MYO16: variants seen among roughly 807,000 people sequenced by gnomAD.
The protein encoded by MYO16 is unconventional myosin-XVI.
MYO16 carries 94 observed loss-of-function variants against 205.3 expected under a neutral mutation model. The observed-to-expected ratio is 0.46, with a 90% CI of 0.39 to 0.54. MYO16 has a LOEUF of 0.54. Ranked by LOEUF, MYO16 falls within the 20% of genes least tolerant of loss-of-function variation. The probability of loss-of-function intolerance (pLI) is 0.00; values close to 1 mark genes in which losing one functional copy is unlikely to be tolerated. For synonymous variants in MYO16, 988 were observed against 954.0 expected (o/e 1.04, Z -0.66); for missense variants, 2,315 against 2,387.5 (o/e 0.97, Z 0.63).
chr13:109,131,756 G>T (rs975780419), intron 31 of MYO16, among the ~76,000 whole-genome samples: 2 of 152,156 alleles, frequency 1.3e-5, no homozygotes, highest in African/African-American at 4.8e-5. Flanking sequence ...ACTTCCTCTT[G>T]GCTGGGGCCT....
At chr13:108,726,996 G>A (rs1243302790) in intron 3 of MYO16, among the ~76,000 whole-genome samples, 3 of 150,580 alleles carry the variant, frequency 2.0e-5, no homozygotes, top group Non-Finnish European at 4.4e-5. Context: ...ATTCTGAAGG[G>A]CCTTGTCTAT....
At chr13:109,057,516 CA>C (rs1887451863) in intron 27 of MYO16, among the ~76,000 whole-genome samples, 2 of 151,968 alleles carry the variant, frequency 1.3e-5, no homozygotes, top group African/African-American at 4.8e-5. Context: ...TTGTTTTGGA[CA>C]GGAGTCATAG....
chr13:108,997,452 A>AAAGGAAAGGAAAGGG (rs1885067630), intron 21 of MYO16, among the ~76,000 whole-genome samples: 1 of 150,896 alleles, frequency 6.6e-6, no homozygotes, highest in Non-Finnish European at 1.5e-5. Flanking sequence ...AAAGGAAAGG[A>AAAGGAAAGGAAAGGG]AAGGGAAAAA....
At chr13:108,869,290 CAG>C (rs1292620030) in intron 12 of MYO16, among the ~76,000 whole-genome samples, 1 of 152,014 alleles carries the variant, frequency 6.6e-6, no homozygotes, top group African/African-American at 2.4e-5. Context: ...AAATTCCTCT[CAG>C]TGTATCATCC....
At chr13:108,609,769 C>T (rs1270587531) in intron 1 of MYO16, among the ~76,000 whole-genome samples, 1 of 152,066 alleles carries the variant, frequency 6.6e-6, no homozygotes, top group Non-Finnish European at 1.5e-5. Context: ...TAATATAGGT[C>T]ATGATGGCCC....
At position 108,644,836 on chromosome 13, in the gene MYO16, G is replaced by A. The variant is rs539853259; in HGVS notation, c.28+14964G>A. Among the ~76,000 whole-genome samples, 6 of 152,316 alleles carry A rather than the reference G, an allele frequency of 3.9e-5. No individual in the cohort carries two copies. In the South Asian group the frequency reaches 6.2e-4, roughly 16 times the overall value. On this transcript the variant is annotated intron_variant, in intron 1 of 34. Coordinates refer to ENST00000457511, the MANE Select transcript of MYO16 (RefSeq NM_001198950.3). ...CAGAAGACACTGGTTTAAAAATATA[G>A]TCTGGAGTATAGTCTGAAAATATTT...
At chr13:108,721,593 T>C (rs778974601) in intron 3 of MYO16, among the ~76,000 whole-genome samples, 53 of 152,188 alleles carry the variant, frequency 3.5e-4, no homozygotes, top group Non-Finnish European at 6.3e-4. Flanking sequence ...TCCCCAAGTC[T>C]TCCATGACAG....
At chr13:108,525,420 C>G in the MYO16 span, among the ~76,000 whole-genome samples, 1 of 152,214 alleles carries the variant, frequency 6.6e-6, no homozygotes. Flanking sequence ...TCACAGTCCT[C>G]GAGCCATGTG....
chr13:108,938,899 C>T lies in MYO16; in HGVS notation c.1926-18789C>T, dbSNP rs536343894. ...AGTAGGCTGGTGAACCCATCAATGG[C>T]ACACACAGATCAGATCCAGGTCACC... On this transcript the variant is annotated intron_variant, in intron 16 of 34. Coordinates refer to ENST00000457511, the MANE Select transcript of MYO16 (RefSeq NM_001198950.3). 1.3e-3 allele frequency among the ~76,000 whole-genome samples: 191 copies of T among 152,344 alleles called. 1 individual carries two copies. Among genetic ancestry groups the T allele is most frequent in the African/African-American group, 4.4e-3 (184 of 41,574 alleles).
intron 1 of MYO16, among the ~76,000 whole-genome samples, chr13:108,639,558 C>A (rs1030861094): frequency 1.3e-5 from 2 of 152,126 alleles, no homozygotes; most frequent in African/African-American, 4.8e-5. Context: ...ATGTCTCAAC[C>A]CTGAATGACA....
At chr13:109,142,369 A>G (rs1468090195) in intron 32 of MYO16, among the ~76,000 whole-genome samples, 1 of 151,476 alleles carries the variant, frequency 6.6e-6, no homozygotes, top group African/African-American at 2.5e-5. Flanking sequence ...AGTCTCTTCC[A>G]TCATGATGGC....
At chr13:108,575,264 C>T in the MYO16 span, among the ~76,000 whole-genome samples, 1 of 152,176 alleles carries the variant, frequency 6.6e-6, no homozygotes, top group South Asian at 2.1e-4. Flanking sequence ...CCAGATTGCA[C>T]AGAGAATGAG....
intron 4 of MYO16, among the ~76,000 whole-genome samples, chr13:108,745,970 G>A (rs1042994546): frequency 2.0e-5 from 3 of 151,974 alleles, no homozygotes; most frequent in South Asian, 2.1e-4. Context: ...GGCAGATCAC[G>A]AGGTCAGGAG....
chr13:109,054,055 C>T (rs985806061), intron 25 of MYO16, among the ~76,000 whole-genome samples: 9 of 151,948 alleles, frequency 5.9e-5, no homozygotes, highest in Admixed American at 3.9e-4. Flanking sequence ...TCAATAAGTC[C>T]ATTAGTCTAA....
At chr13:108,677,388 G>A (rs1434944147) in intron 2 of MYO16, among the ~76,000 whole-genome samples, 1 of 138,368 alleles carries the variant, frequency 7.2e-6, no homozygotes, top group Non-Finnish European at 1.5e-5. Flanking sequence ...TATATATACA[G>A]GTATATATAC....
At chr13:108,858,811 T>C (rs1365336591) in intron 11 of MYO16, among the ~76,000 whole-genome samples, 1 of 152,176 alleles carries the variant, frequency 6.6e-6, no homozygotes, top group Non-Finnish European at 1.5e-5. Flanking sequence ...GAAAGGCTCA[T>C]AAAGCCGCAA....
chr13:108,857,548 T>C (rs531948890), intron 11 of MYO16, among the ~76,000 whole-genome samples: 37 of 152,350 alleles, frequency 2.4e-4, no homozygotes, highest in Admixed American at 2.3e-3. Flanking sequence ...AACTTTGTCC[T>C]TGTCAGGCTA....
At chr13:109,074,731 A>T (rs1320935419) in intron 27 of MYO16, among the ~76,000 whole-genome samples, 2 of 152,096 alleles carry the variant, frequency 1.3e-5, no homozygotes, top group East Asian at 3.9e-4. Context: ...AGAACTCACT[A>T]TCACAAAAAC....
intron 16 of MYO16, among the ~76,000 whole-genome samples, chr13:108,915,886 C>T (rs571290051): frequency 5.9e-5 from 9 of 152,186 alleles, no homozygotes; most frequent in East Asian, 1.9e-4. Context: ...GCTGAGTCAC[C>T]GCGCGCTTGA....
Sources: allele counts gnomAD v4.1 joint callset (sites outside exome capture counted in the v4.1 genomes callset), GRCh38; gene constraint gnomAD v4.1.1; transcripts MANE v1.5; gene names NCBI Gene and HGNC (gene_info 2026-07-23, HGNC 2026-07-21).